Variants in GABBR2 observed in about 807,000 individuals in gnomAD.
GABBR2 encodes the protein gamma-aminobutyric acid type B receptor subunit 2, also known as G-protein coupled receptor 51.
GABBR2 carries 23 observed loss-of-function variants against 105.6 expected under a neutral mutation model. The ratio of observed to expected loss-of-function variants is 0.22; its 90% CI spans 0.16 to 0.31. GABBR2 has a LOEUF of 0.31. GABBR2 is among the 10% of genes least tolerant of loss of function. The probability of loss-of-function intolerance (pLI) is 1.00; values close to 1 mark genes in which losing one functional copy is unlikely to be tolerated. For synonymous variants in GABBR2, 478 were observed against 499.7 expected (o/e 0.96, Z 0.58); for missense variants, 734 against 1,245.5 (o/e 0.59, Z 6.18).
intron 7 of GABBR2, among the ~76,000 whole-genome samples, chr9:98,418,157 A>G (rs1400248328): frequency 6.6e-6 from 1 of 152,048 alleles, no homozygotes; most frequent in African/African-American, 2.4e-5. Flanking sequence ...GGCATGGGGG[A>G]AGGACTGGAA....
chr9:98,453,661 C>T (rs1020800670), intron 7 of GABBR2, among the ~76,000 whole-genome samples: 23 of 152,214 alleles, frequency 1.5e-4, no homozygotes, highest in African/African-American at 5.3e-4. Context: ...AGAGCCACTG[C>T]TCTAAAATGT....
chr9:98,401,504 G>A (rs1011284317), intron 8 of GABBR2, among the ~76,000 whole-genome samples: 1 of 152,184 alleles, frequency 6.6e-6, no homozygotes, highest in Non-Finnish European at 1.5e-5. Context: ...GTCGAGGCTA[G>A]GGTCAAGCTG....
At position 98,496,481 on chromosome 9, in the gene GABBR2, C is replaced by T. The variant is rs750467268; in HGVS notation, c.664G>A (p.Glu222Lys). ...TCGGTGTCTGAAATCTCAATGTCCTCGCCATACAGAACTCCAGTCAGGTCA... is the reference window on the plus strand; with the variant it reads ...TCGGTGTCTGAAATCTCAATGTCCTTGCCATACAGAACTCCAGTCAGGTCA... ...RNDLTGVLYG[E>K]DIEISDTESF... is the part of the protein sequence containing the mutation. The change falls in exon 4 of 19, where the codon GAG becomes AAG. Residue 222 changes from glutamate to lysine, a missense_variant. Transcript: ENST00000259455. The T allele has an allele frequency of 1.1e-5, 18 of 1,612,880 alleles. No individual in the cohort carries two copies. Among genetic ancestry groups the T allele is most frequent in the Admixed American group, 1.0e-4 (6 of 59,990 alleles).
intron 3 of GABBR2, chr9:98,516,037 C>G (rs558382660): frequency 5.9e-5 from 9 of 152,618 alleles, no homozygotes; most frequent in Admixed American, 4.6e-4. Flanking sequence ...GAGTGGCTTT[C>G]CTCCTTGAGC....
rs1291565391 is a variant in GABBR2 at position 98,634,473 on chromosome 9, AT to A, written c.322-56402del. 2.0e-5 allele frequency among the ~76,000 whole-genome samples: 3 copies of A among 152,298 alleles called. No homozygotes were observed. In the East Asian group the frequency reaches 5.8e-4, roughly 29 times the overall value. Reference sequence around the variant, plus strand: ...TGACTGATAACCCTGTAAGAAGAGAATAAGACACAGAGACACAAAATGAAGA... The same window carrying A: ...TGACTGATAACCCTGTAAGAAGAGAAAAGACACAGAGACACAAAATGAAGA... On this transcript the variant is annotated intron_variant, in intron 1 of 18. Transcript: ENST00000259455.
intron 11 of GABBR2, 83 bp downstream of exon 11, chr9:98,385,557 G>A: frequency 2.8e-6 from 3 of 1,073,642 alleles, no homozygotes; most frequent in Non-Finnish European, 4.3e-6. Context: ...ATGTATTTCT[G>A]GGTTTGCATC....
At chr9:98,552,759 C>T (rs1828513026) in intron 2 of GABBR2, among the ~76,000 whole-genome samples, 1 of 152,166 alleles carries the variant, frequency 6.6e-6, no homozygotes, top group Non-Finnish European at 1.5e-5. Context: ...TCAGAGAGAG[C>T]TTGGGCTAGA....
intron 1 of GABBR2, among the ~76,000 whole-genome samples, chr9:98,695,939 T>C (rs964666547): frequency 2.0e-5 from 3 of 152,154 alleles, no homozygotes; most frequent in Admixed American, 2.0e-4. Context: ...AGTCTCCAAA[T>C]AGTTACTGAG....
chr9:98,661,238 C>T (rs755242420), intron 1 of GABBR2, among the ~76,000 whole-genome samples: 20 of 152,228 alleles, frequency 1.3e-4, no homozygotes, highest in Admixed American at 2.6e-4. Flanking sequence ...CATCTTCAAA[C>T]TCCCTTTTGC....
intron 9 of GABBR2, among the ~76,000 whole-genome samples, chr9:98,393,859 C>T (rs1832238817): frequency 6.6e-6 from 1 of 152,200 alleles, no homozygotes; most frequent in African/African-American, 2.4e-5. Flanking sequence ...TTATTTCCAA[C>T]CCAGTCAAAC....
intron 6 of GABBR2, among the ~76,000 whole-genome samples, chr9:98,460,530 T>C (rs1019572550): frequency 2.6e-5 from 4 of 152,004 alleles, no homozygotes; most frequent in East Asian, 3.8e-4. Context: ...ATTCAATAGA[T>C]AGGTGAAACA....
intron 1 of GABBR2, among the ~76,000 whole-genome samples, chr9:98,683,933 A>G (rs1166883524): frequency 1.4e-5 from 2 of 147,314 alleles, no homozygotes; most frequent in Non-Finnish European, 3.0e-5. Context: ...ACATGAACCC[A>G]GGAGGCGGAG....
chr9:98,494,184 C>T (rs761014930), intron 4 of GABBR2, among the ~76,000 whole-genome samples: 3 of 152,154 alleles, frequency 2.0e-5, no homozygotes, highest in Admixed American at 1.3e-4. Context: ...CGAGAGAGTA[C>T]ATTCTGTTGT....
chr9:98,453,918 C>T (rs1826278928), intron 7 of GABBR2, 63 bp downstream of exon 7: 2 of 1,088,678 alleles, frequency 1.8e-6, no homozygotes, highest in African/African-American at 1.5e-5. Context: ...GTAACAGCCC[C>T]TCTTTTGCTT....
rs905616215 is a variant in GABBR2, at chr9:98,395,153, T to C, written c.1298-898A>G. On this transcript the variant is annotated intron_variant, in intron 8 of 18. Transcript: ENST00000259455. ...AGAAGAAATGGAAATGGGGATCAGA[T>C]TTAAGCAAGGTTTCTTTTTTCCAGG... is the stretch of plus-strand genomic sequence containing the variant. Among the ~76,000 whole-genome samples the C allele has an allele frequency of 4.6e-5, 7 of 152,138 alleles. 1 individual carries two copies. The highest frequency in any genetic ancestry group is 4.2e-4 in the South Asian group (2 of 4,818).
intron 1 of GABBR2, among the ~76,000 whole-genome samples, chr9:98,586,926 C>T (rs1003063511): frequency 6.6e-6 from 1 of 152,182 alleles, no homozygotes; most frequent in East Asian, 1.9e-4. Flanking sequence ...TGCATACGCG[C>T]CTCCTTGCAC....
Position 98,294,945 on chromosome 9 carries a change from G to A in GABBR2, c.2543-1043C>T, listed in dbSNP as rs115155658. Among the ~76,000 whole-genome samples, 910 of 152,208 alleles carry A rather than the reference G, an allele frequency of 6.0e-3. 8 individuals are homozygous for A. Among genetic ancestry groups the A allele is most frequent in the African/African-American group, 0.02 (841 of 41,526 alleles). ...CTCTCTGTGCTTCAGGACCATACAA[G>A]GAGATTTAAAGAAATATAAAAATCA... On this transcript the variant is annotated intron_variant, in intron 17 of 18. Transcript: ENST00000259455.
chr9:98,358,639 CA>C (rs1039220196), intron 13 of GABBR2, among the ~76,000 whole-genome samples: 1 of 152,196 alleles, frequency 6.6e-6, no homozygotes, highest in African/African-American at 2.4e-5. Flanking sequence ...GGGCCTGATG[CA>C]TAGCTGGTGA....
At chr9:98,461,786 G>T (rs1253695600) in intron 6 of GABBR2, among the ~76,000 whole-genome samples, 5 of 152,162 alleles carry the variant, frequency 3.3e-5, no homozygotes, top group African/African-American at 9.7e-5. Context: ...TCTGCTTCTG[G>T]TAAGGGCCTC....
Sources: allele counts gnomAD v4.1 joint callset (sites outside exome capture counted in the v4.1 genomes callset), GRCh38; gene constraint gnomAD v4.1.1; transcripts MANE v1.5; gene names NCBI Gene and HGNC (gene_info 2026-07-23, HGNC 2026-07-21).